Variants in SOX5 observed in about 807,000 individuals in gnomAD.
SOX5 encodes the protein SRY-box transcription factor 5, also known as transcription factor SOX-5.
SOX5 carries 9 observed loss-of-function variants against 92.0 expected under a neutral mutation model. The observed-to-expected ratio is 0.10, with a 90% confidence interval of 0.06 to 0.17. The LOEUF is 0.17. SOX5 is among the 10% of genes least tolerant of loss of function. The pLI is 1.00. For synonymous variants in SOX5, 344 were observed against 336.3 expected (o/e 1.02, Z -0.25); for missense variants, 642 against 944.5 (o/e 0.68, Z 4.20).
At chr12:23,731,560 T>C (rs1223148590) in intron 6 of SOX5, among the ~76,000 whole-genome samples, 1 of 152,192 alleles carries the variant, frequency 6.6e-6, no homozygotes, top group Non-Finnish European at 1.5e-5. Flanking sequence ...TAAAGACATC[T>C]AAATTGACTT....
At chr12:24,021,372 G>A (rs751900688) in intron 4 of SOX5, among the ~76,000 whole-genome samples, 4 of 152,094 alleles carry the variant, frequency 2.6e-5, no homozygotes, top group Non-Finnish European at 4.4e-5. Context: ...CTGCACTAAG[G>A]TCTAATGTAG....
intron 1 of SOX5, among the ~76,000 whole-genome samples, chr12:24,487,652 A>C (rs562619507): frequency 1.3e-5 from 2 of 152,352 alleles, no homozygotes; most frequent in Admixed American, 1.3e-4. Flanking sequence ...ATTCCAGAGC[A>C]ACAAAAATTA....
At chr12:24,532,756 C>T (rs1470283054) in intron 1 of SOX5, among the ~76,000 whole-genome samples, 2 of 152,176 alleles carry the variant, frequency 1.3e-5, no homozygotes, top group African/African-American at 4.8e-5. Flanking sequence ...TTTCTATATG[C>T]TTCTAACTCC....
intron 1 of SOX5, among the ~76,000 whole-genome samples, chr12:23,905,305 C>A (rs2097280214): frequency 6.6e-6 from 1 of 152,126 alleles, no homozygotes; most frequent in South Asian, 2.1e-4. Context: ...TCAGGTCTTC[C>A]TTTGCTACCT....
chr12:23,673,988 A>G (rs2085238401), intron 6 of SOX5, among the ~76,000 whole-genome samples: 1 of 152,172 alleles, frequency 6.6e-6, no homozygotes, highest in Admixed American at 6.6e-5. Context: ...AACTTCACTA[A>G]TACCTGAAGC....
At chr12:24,093,209 A>T (rs1003329453) in intron 4 of SOX5, among the ~76,000 whole-genome samples, 21 of 152,200 alleles carry the variant, frequency 1.4e-4, no homozygotes, top group African/African-American at 5.1e-4. Context: ...AATGTCACTG[A>T]ATTGGATGTT....
At chr12:23,987,529 A>G (rs932497085) in intron 4 of SOX5, among the ~76,000 whole-genome samples, 1 of 152,178 alleles carries the variant, frequency 6.6e-6, no homozygotes, top group Non-Finnish European at 1.5e-5. Context: ...GTGGTGGTTC[A>G]CCCCTACAAT....
At chr12:24,326,953 CAGG>C (rs982338155) in intron 2 of SOX5, among the ~76,000 whole-genome samples, 5 of 152,188 alleles carry the variant, frequency 3.3e-5, no homozygotes, top group African/African-American at 9.6e-5. Context: ...TTCAGAAAAG[CAGG>C]AGGTTTTGTG....
chr12:24,121,701 A>G (rs1948636145), intron 4 of SOX5, among the ~76,000 whole-genome samples: 1 of 150,890 alleles, frequency 6.6e-6, no homozygotes, highest in African/African-American at 2.4e-5. Context: ...AGCTTGGGCA[A>G]GATGGTGAAA....
At chr12:23,898,108 T>A (rs1462749264) in intron 1 of SOX5, among the ~76,000 whole-genome samples, 1 of 152,246 alleles carries the variant, frequency 6.6e-6, no homozygotes, top group Admixed American at 6.5e-5. Context: ...TCTGATTCGA[T>A]GTTCTACAGG....
chr12:23,581,642 T>A (rs1020428933), intron 9 of SOX5, among the ~76,000 whole-genome samples: 4 of 152,124 alleles, frequency 2.6e-5, no homozygotes, highest in Non-Finnish European at 5.9e-5. Context: ...TTAATGGCTA[T>A]TATATGCCAG....
rs149249453 is a variant in SOX5, at chr12:23,582,133, T to C, written c.1165-6295A>G. The C allele has an allele frequency of 7.3e-4, 718 of 984,778 alleles. 5 individuals carry two copies. In the African/African-American group the frequency reaches 0.011, roughly 15 times the overall value. The allele number at this position is 984,778 out of a possible 1,614,324, so 61.0% of individuals were successfully genotyped here. ...TAGGGAAGTTACATGACAGCCTGAA[T>C]TGCATAATGTGCACTGTTGCCGCAC... On this transcript the variant is annotated intron_variant, in intron 9 of 14. Transcript: ENST00000451604.
In SOX5 at chr12:24,548,031, C is replaced by T. The variant is rs187907578; in HGVS notation, c.-251+14298G>A. ...TTGTATGCTGAGATTCATTATGTGC[C>T]GGAGATTTTTTTAAGTACCTTGCAT... On this transcript the variant is annotated intron_variant, in intron 1 of 4. Transcript: ENST00000446891. 1.3e-3 allele frequency among the ~76,000 whole-genome samples: 201 copies of T among 152,138 alleles called. 1 individual carries two copies. Among genetic ancestry groups the T allele is most frequent in the African/African-American group, 3.7e-3 (152 of 41,508 alleles).
In SOX5 at chr12:23,594,755, TC is replaced by T. The variant is rs1952096540; in HGVS notation, c.1164+9631del. ...TCTCATTTCCCAACCTGACTCTTTA[TC>T]ATTCTCCTTCATGTTCACTGCACTT... On this transcript the variant is annotated intron_variant, in intron 9 of 14. Coordinates refer to ENST00000451604, the MANE Select transcript of SOX5 (RefSeq NM_006940.6). 9.9e-5 allele frequency among the ~76,000 whole-genome samples: 15 copies of T among 152,282 alleles called. No individual in the cohort carries two copies. The South Asian group carries it at 3.1e-3, about 32-fold the overall frequency.
At chr12:24,058,928 T>G (rs1045351967) in intron 4 of SOX5, among the ~76,000 whole-genome samples, 2 of 152,180 alleles carry the variant, frequency 1.3e-5, no homozygotes, top group African/African-American at 4.8e-5. Flanking sequence ...CAAGGGGCCT[T>G]TCCATGATTC....
rs538601159 is a variant in SOX5, at chr12:24,258,270, C to T, written c.-77+18946G>A. Among the ~76,000 whole-genome samples, 12 of 152,150 alleles carry T rather than the reference C, an allele frequency of 7.9e-5. No homozygotes were observed. The South Asian group carries it at 2.5e-3, about 32-fold the overall frequency. On this transcript the variant is annotated intron_variant, in intron 3 of 4. Transcript: ENST00000446891. ...ACATTCCTGAATTTAGCCAGTCTCA[C>T]CTGATTAAAACAAAACAAACAAACA...
At chr12:23,976,160 AGT>A (rs961258170) in intron 4 of SOX5, among the ~76,000 whole-genome samples, 1 of 152,088 alleles carries the variant, frequency 6.6e-6, no homozygotes, top group African/African-American at 2.4e-5. Context: ...ATCCTTAGAT[AGT>A]CATAAAATAC....
intron 2 of SOX5, among the ~76,000 whole-genome samples, chr12:23,861,306 C>T (rs1413084161): frequency 6.6e-6 from 1 of 152,086 alleles, no homozygotes; most frequent in Non-Finnish European, 1.5e-5. Context: ...TTTTCAGAAT[C>T]CTACTGCTGT....
chr12:24,396,717 G>A (rs1596274957), intron 1 of SOX5, among the ~76,000 whole-genome samples: 1 of 152,194 alleles, frequency 6.6e-6, no homozygotes, highest in South Asian at 2.1e-4. Flanking sequence ...ACCCAAAATG[G>A]ATGTGTTAAA....
Sources: allele counts gnomAD v4.1 joint callset (sites outside exome capture counted in the v4.1 genomes callset), GRCh38; gene constraint gnomAD v4.1.1; transcripts MANE v1.5; gene names NCBI Gene and HGNC (gene_info 2026-07-23, HGNC 2026-07-21).